LAMP2: variants seen among roughly 807,000 people sequenced by gnomAD.
LAMP2 encodes the protein lysosome associated membrane protein 2.
Under a neutral mutation model 25.6 loss-of-function variants are expected in LAMP2, and 4 were observed. That is an observed-to-expected ratio of 0.16 (90% confidence interval 0.08 to 0.36). The LOEUF (loss-of-function observed/expected upper bound fraction) is 0.36. Ranked by LOEUF, LAMP2 falls within the 10% of genes least tolerant of loss-of-function variation. LAMP2 has a pLI of 1.00. For missense variants in LAMP2, 272 were observed against 301.4 expected (o/e 0.90, Z 0.72); for synonymous variants, 108 against 112.7 (o/e 0.96, Z 0.27).
At position 120,426,443 on chromosome X, in the gene LAMP2, A is replaced by T. The variant is rs888003967; in HGVS notation, c.*4880T>A. Among the ~76,000 whole-genome samples the T allele has an allele frequency of 6.4e-5, 7 of 109,719 alleles. No homozygotes were observed. The highest frequency in any genetic ancestry group is 1.3e-4 in the Non-Finnish European group (7 of 52,623). ...TTGAACACTCAGCTCATAGATTTTG[A>T]GCTTCCTTTATCTTATTGGAGTTGA... On this transcript the variant is annotated 3_prime_UTR_variant, in exon 9 of 9. Coordinates refer to ENST00000200639, the MANE Select transcript of LAMP2 (RefSeq NM_002294.3).
At chrX:120,449,171 A>C in intron 3 of LAMP2, 43 bp from the exon 4 acceptor site, 1 of 1,013,889 alleles carries the variant, frequency 9.9e-7, no homozygotes, top group Non-Finnish European at 1.4e-6. Context: ...AGAAGGTAGG[A>C]GAAAAGTGAT....
intron 6 of LAMP2, 74 bp from the exon 7 acceptor site, chrX:120,442,736 C>T: frequency 6.2e-6 from 5 of 812,343 alleles, no homozygotes; most frequent in Non-Finnish European, 9.4e-6. Flanking sequence ...TTAATACCCA[C>T]AGAAGAAAAG....
At position 120,456,660 on chromosome X, in the gene LAMP2, A is replaced by G; in HGVS notation, c.174T>C (p.Asn58=). The G allele has an allele frequency of 9.4e-7, 1 of 1,063,859 alleles. No individual in the cohort carries two copies. The allele number at this position is 1,063,859 out of a possible 1,213,427, so 87.7% of individuals were successfully genotyped here. Residue 58 remains asparagine, a synonymous_variant, in exon 2 of 9, where the codon AAT becomes AAC. Transcript: ENST00000200639. ...MNFTVRYETT[N]KTYKTVTISD... is the part of the protein sequence containing the mutation. ...TAAAATATATACTTACATAAGTTTT[A>G]TTTGTAGTTTCATAGCGTACTGTGA...
chrX:120,447,483 C>T lies in LAMP2; in HGVS notation c.741+358G>A, dbSNP rs28665281. 1.9e-3 allele frequency among the ~76,000 whole-genome samples: 215 copies of T among 110,325 alleles called. 2 individuals carry two copies. Among genetic ancestry groups the T allele is most frequent in the Admixed American group, 0.018 (190 of 10,314 alleles). ...CAGCACTTTGGGAGGCCGAGACGGG[C>T]GGAGCACAAGGTCAGGAGATCGAGA... is the stretch of plus-strand genomic sequence containing the variant. On this transcript the variant is annotated intron_variant, in intron 5 of 8. Coordinates refer to ENST00000200639, the MANE Select transcript of LAMP2 (RefSeq NM_002294.3).
chrX:120,457,967 C>T lies in LAMP2; in HGVS notation c.65-1198G>A, dbSNP rs1256587642. 3.6e-5 allele frequency among the ~76,000 whole-genome samples: 4 copies of T among 112,337 alleles called. No individual in the cohort carries two copies. In the East Asian group the frequency reaches 1.1e-3, roughly 31 times the overall value. On this transcript the variant is annotated intron_variant, in intron 1 of 8. Coordinates refer to ENST00000200639, the MANE Select transcript of LAMP2 (RefSeq NM_002294.3). ...AGAGCCTATCGTCATGCTCTGGAGA[C>T]CTGGCTGCTTTGCAAGCCAGAATAT...
chrX:120,447,760 T>C, intron 5 of LAMP2, 81 bp downstream of exon 5: 1 of 860,920 alleles, frequency 1.2e-6, no homozygotes, highest in South Asian at 2.1e-5. Context: ...CTAGTAACAC[T>C]ACCTTTGGGC....
intron 4 of LAMP2, among the ~76,000 whole-genome samples, chrX:120,448,750 C>T (rs1373308312): frequency 8.9e-6 from 1 of 112,415 alleles, no homozygotes; most frequent in East Asian, 2.8e-4. Context: ...TAGGTAGTGT[C>T]TTTTAAAATA....
chrX:120,438,608 C>T (rs912566155), intron 8 of LAMP2: 1 of 750,743 alleles, frequency 1.3e-6, no homozygotes, highest in East Asian at 1.5e-4. Flanking sequence ...ATAATACCAG[C>T]CCCTGTTCAA....
intron 7 of LAMP2, among the ~76,000 whole-genome samples, 179 bp from the exon 8 acceptor site, chrX:120,442,073 T>C (rs1037157101): frequency 1.8e-5 from 2 of 108,292 alleles, no homozygotes; most frequent in Non-Finnish European, 3.8e-5. Context: ...ACCCTGTCTC[T>C]ACAAAAAATA....
chrX:120,444,055 AAAG>A (rs2058586151), intron 6 of LAMP2, among the ~76,000 whole-genome samples: 1 of 110,739 alleles, frequency 9.0e-6, no homozygotes, highest in Admixed American at 9.6e-5. Context: ...AGAAAAAAGA[AAAG>A]AAAGAAAGAA....
rs923366909 is a variant in LAMP2 at position 120,436,832 on chromosome X, A to G, written c.1093+4898T>C. 32 of 738,912 alleles carry G rather than the reference A, an allele frequency of 4.3e-5. No individual in the cohort carries two copies. In the African/African-American group the frequency reaches 7.0e-4, roughly 16 times the overall value. The allele number at this position is 738,912 out of a possible 1,213,427, so 60.9% of individuals were successfully genotyped here. ...AATATTCACTGAAGTCAGGTTTTCT[A>G]TAAAACAGTGTTTATTAGAGGTATT... On this transcript the variant is annotated intron_variant, in intron 8 of 8. Transcript: ENST00000200639.
chrX:120,428,295 A>G lies in LAMP2; in HGVS notation c.*3028T>C. The G allele has an allele frequency of 2.2e-6, 1 of 456,039 alleles. No individual in the cohort carries two copies. Among genetic ancestry groups the G allele is most frequent in the Non-Finnish European group, 3.2e-6 (1 of 312,720 alleles). 37.6% of individuals were successfully genotyped at this position (456,039 alleles called of 1,213,427 possible). A position where few individuals can be genotyped will look rare whatever the true frequency, so the allele number is the denominator to read the frequency against. On this transcript the variant is annotated 3_prime_UTR_variant, in exon 9 of 9. Transcript: ENST00000200639. Reference sequence around the variant, plus strand: ...AATTATACTTTAACAAAGGAAGAAAAAAAACAGAAAAAAATTGGTCCTAAT... The same window carrying G: ...AATTATACTTTAACAAAGGAAGAAAGAAAACAGAAAAAAATTGGTCCTAAT...
At chrX:120,455,654 C>T in intron 2 of LAMP2, 84 bp from the exon 3 acceptor site, 3 of 739,053 alleles carry the variant, frequency 4.1e-6, no homozygotes, top group Non-Finnish European at 6.3e-6. Context: ...CCACTTCAGC[C>T]TAAATCATAC....
At chrX:120,435,003 G>A (rs2008511) in intron 8 of LAMP2, among the ~76,000 whole-genome samples, 31,819 of 110,147 alleles carry the variant, frequency 0.29, 3,991 homozygotes, top group Middle Eastern at 0.41. Context: ...GGTGGCACTC[G>A]TCTGTAATCC....
chrX:120,432,603 C>A (rs1348340731), intron 8 of LAMP2, among the ~76,000 whole-genome samples: 2 of 111,291 alleles, frequency 1.8e-5, no homozygotes, highest in African/African-American at 6.5e-5. Context: ...ATTGACCAAA[C>A]GGATGTAGGG....
At chrX:120,436,734 T>A in intron 8 of LAMP2, 1 of 722,823 alleles carries the variant, frequency 1.4e-6, no homozygotes, top group Non-Finnish European at 1.6e-6. Context: ...CTACAAAAGG[T>A]ACAAAGAACA....
chrX:120,439,314 G>A (rs368826364), intron 8 of LAMP2: 196 of 1,178,469 alleles, frequency 1.7e-4, no homozygotes, highest in Middle Eastern at 2.3e-4. Flanking sequence ...GAAAAAGTGT[G>A]TAATAAATAA....
chrX:120,431,902 CAT>C (rs1172825767), intron 8 of LAMP2, among the ~76,000 whole-genome samples: 1 of 112,094 alleles, frequency 8.9e-6, no homozygotes, highest in East Asian at 2.8e-4. Flanking sequence ...GAACTCAATA[CAT>C]TACAATCTGG....
chrX:120,466,235 T>C (rs1316160185), intron 1 of LAMP2, among the ~76,000 whole-genome samples: 6 of 111,996 alleles, frequency 5.4e-5, no homozygotes, highest in Admixed American at 2.8e-4. Flanking sequence ...GCATTGCTTT[T>C]GTAAAAACAA....
Sources: gnomAD v4.1 joint callset for allele counts (sites outside exome capture counted in the v4.1 genomes callset) on GRCh38, gnomAD v4.1.1 for gene constraint, MANE v1.5 for transcripts, NCBI Gene and HGNC (gene_info 2026-07-23, HGNC 2026-07-21) for gene names.